Variants in SPTLC1 observed in about 807,000 individuals in gnomAD.
SPTLC1 encodes serine palmitoyltransferase long chain base subunit 1, also known as serine palmitoyltransferase 1.
SPTLC1 carries 55 observed loss-of-function variants against 68.9 expected under a neutral mutation model. The observed-to-expected ratio is 0.80, with a 90% CI of 0.64 to 1.00. The LOEUF (loss-of-function observed/expected upper bound fraction) is 1.00. SPTLC1 is among the 50% of genes least tolerant of loss of function. The pLI, the probability that SPTLC1 is intolerant of heterozygous loss-of-function variation, is 0.00. For synonymous variants in SPTLC1, 197 were observed against 201.6 expected (o/e 0.98, Z 0.19); for missense variants, 449 against 573.1 (o/e 0.78, Z 2.21).
chr9:92,104,573 T>C (rs2118803123), intron 3 of SPTLC1: 1 of 1,486,412 alleles, frequency 6.7e-7, no homozygotes, highest in Non-Finnish European at 9.1e-7. Context: ...GAGGATCTCT[T>C]GTCTCAGAGG....
At chr9:92,079,795 G>A (rs897496793) in intron 5 of SPTLC1, 10 of 650,000 alleles carry the variant, frequency 1.5e-5, no homozygotes, top group Admixed American at 4.9e-5. Context: ...ACATGCACAC[G>A]AGGATGAGCC....
In SPTLC1 at chr9:92,040,587, G is replaced by A. The variant is rs371925793; in HGVS notation, c.1137-2222C>T. Among the ~76,000 whole-genome samples the A allele has an allele frequency of 6.9e-4, 104 of 151,634 alleles. 2 individuals are homozygous for A. In the South Asian group the frequency reaches 0.02, roughly 30 times the overall value. ...AGCCTGACCAATGTGGTGAAACCCC[G>A]TCTCTACTAAAAATACAAAAATTAG... On this transcript the variant is annotated intron_variant, in intron 12 of 14. Coordinates refer to ENST00000262554, the MANE Select transcript of SPTLC1 (RefSeq NM_006415.4).
intron 5 of SPTLC1, among the ~76,000 whole-genome samples, chr9:92,069,058 G>A (rs188644495): frequency 6.6e-6 from 1 of 152,128 alleles, no homozygotes; most frequent in Non-Finnish European, 1.5e-5. Flanking sequence ...GTCTTAGAGC[G>A]CTATGGGAGA....
At chr9:92,060,177 C>A (rs1211134535) in intron 6 of SPTLC1, among the ~76,000 whole-genome samples, 1 of 152,146 alleles carries the variant, frequency 6.6e-6, no homozygotes, top group Non-Finnish European at 1.5e-5. Context: ...AGGCAGCAGT[C>A]CCCTAGCCCC....
At chr9:92,099,097 A>G (rs747167963) in intron 3 of SPTLC1, among the ~76,000 whole-genome samples, 7 of 152,252 alleles carry the variant, frequency 4.6e-5, no homozygotes, top group Non-Finnish European at 8.8e-5. Context: ...ATACTAATGA[A>G]GTCATAAAAA....
chr9:92,067,932 ACTG>A (rs760702307), intron 6 of SPTLC1, 31 bp downstream of exon 6: 2 of 1,604,806 alleles, frequency 1.2e-6, no homozygotes, highest in African/African-American at 2.7e-5. Flanking sequence ...TTTCAAAGGA[ACTG>A]CTATTAGAAA....
intron 3 of SPTLC1, chr9:92,104,398 T>A: frequency 7.2e-7 from 1 of 1,394,254 alleles, no homozygotes; most frequent in Non-Finnish European, 9.4e-7. Flanking sequence ...TGGGCCTTCT[T>A]TTCCAGTCAG....
At chr9:92,088,074 T>C (rs1468321512) in intron 3 of SPTLC1, among the ~76,000 whole-genome samples, 1 of 152,196 alleles carries the variant, frequency 6.6e-6, no homozygotes, top group Non-Finnish European at 1.5e-5. Flanking sequence ...AATCTCCTGG[T>C]GGGCCGTTTT....
intron 8 of SPTLC1, chr9:92,055,200 T>C: frequency 1.0e-6 from 1 of 984,524 alleles, no homozygotes; most frequent in Non-Finnish European, 1.2e-6. Flanking sequence ...CACTCCAGCC[T>C]GGGCAACAGA....
intron 6 of SPTLC1, among the ~76,000 whole-genome samples, chr9:92,065,993 C>A (rs1438999915): frequency 6.6e-6 from 1 of 152,104 alleles, no homozygotes; most frequent in Non-Finnish European, 1.5e-5. Context: ...TTGAGGGATG[C>A]CAGGCTCTGC....
intron 13 of SPTLC1, among the ~76,000 whole-genome samples, chr9:92,036,832 A>G (rs1008276212): frequency 6.6e-6 from 1 of 152,222 alleles, no homozygotes; most frequent in African/African-American, 2.4e-5. Context: ...AAGGAACGTT[A>G]CAATACAAAC....
At chr9:92,065,932 G>A (rs950479365) in intron 6 of SPTLC1, among the ~76,000 whole-genome samples, 4 of 152,100 alleles carry the variant, frequency 2.6e-5, no homozygotes, top group South Asian at 2.1e-4. Context: ...AGGTTCTGTC[G>A]CTGCACAAGC....
At chr9:92,052,721 G>A (rs1005845319) in intron 8 of SPTLC1, among the ~76,000 whole-genome samples, 2 of 151,468 alleles carry the variant, frequency 1.3e-5, no homozygotes, top group Admixed American at 6.6e-5. Context: ...TAGTAGAGAC[G>A]GGGTTTTACC....
At chr9:92,050,184 A>G (rs747062782) in intron 8 of SPTLC1, 117 bp from the exon 9 acceptor site, 46 of 709,044 alleles carry the variant, frequency 6.5e-5, no homozygotes, top group South Asian at 3.7e-4. Flanking sequence ...TGTGAATTCT[A>G]TATGTGCAAA....
chr9:92,111,116 A>T (rs1037714375), intron 2 of SPTLC1: 3 of 152,148 alleles, frequency 2.0e-5, no homozygotes, highest in Non-Finnish European at 4.4e-5. Flanking sequence ...CTATCTAATG[A>T]ATCACCCTTA....
intron 12 of SPTLC1, among the ~76,000 whole-genome samples, chr9:92,042,663 A>G (rs896482894): frequency 6.6e-6 from 1 of 152,232 alleles, no homozygotes; most frequent in African/African-American, 2.4e-5. Flanking sequence ...CACATTCATC[A>G]GAAAATTTAA....
chr9:92,062,144 C>T (rs1327876396), intron 6 of SPTLC1, among the ~76,000 whole-genome samples: 2 of 152,016 alleles, frequency 1.3e-5, no homozygotes, highest in Non-Finnish European at 2.9e-5. Flanking sequence ...GATTTATACA[C>T]ACAACTATGT....
At chr9:92,056,610 A>C (rs10992217) in intron 7 of SPTLC1, among the ~76,000 whole-genome samples, 1 of 152,206 alleles carries the variant, frequency 6.6e-6, no homozygotes, top group East Asian at 1.9e-4. Context: ...GAAACTGTAC[A>C]TGGTTCAGGT....
intron 14 of SPTLC1, among the ~76,000 whole-genome samples, chr9:92,032,781 C>T (rs1822096259): frequency 6.6e-6 from 1 of 150,974 alleles, no homozygotes; most frequent in African/African-American, 2.4e-5. Flanking sequence ...GAGGCTGAGG[C>T]AGGAGAATGG....
Sources: gnomAD v4.1 joint callset for allele counts (sites outside exome capture counted in the v4.1 genomes callset) on GRCh38, gnomAD v4.1.1 for gene constraint, MANE v1.5 for transcripts, NCBI Gene and HGNC (gene_info 2026-07-23, HGNC 2026-07-21) for gene names.